TMEM117: variants seen among roughly 807,000 people sequenced by gnomAD.
TMEM117 encodes the protein transmembrane protein 117.
In TMEM117, 27 loss-of-function variants were observed where a neutral mutation model predicts 52.4. That is an observed-to-expected ratio of 0.51 (90% CI 0.38 to 0.71). The LOEUF (loss-of-function observed/expected upper bound fraction) is 0.71. Ranked by LOEUF, TMEM117 falls within the 30% of genes least tolerant of loss-of-function variation. The pLI, the probability that TMEM117 is intolerant of heterozygous loss-of-function variation, is 0.00. For missense variants in TMEM117, 556 were observed against 630.5 expected (o/e 0.88, Z 1.26); for synonymous variants, 215 against 206.3 (o/e 1.04, Z -0.36).
intron 3 of TMEM117, among the ~76,000 whole-genome samples, chr12:44,026,057 C>A (rs1327861778): frequency 6.6e-6 from 1 of 152,142 alleles, no homozygotes; most frequent in Non-Finnish European, 1.5e-5. Context: ...GCACTGGAAA[C>A]CATACTGACT....
intron 5 of TMEM117, among the ~76,000 whole-genome samples, chr12:44,217,263 A>G (rs1353082559): frequency 6.6e-6 from 1 of 152,126 alleles, no homozygotes; most frequent in Non-Finnish European, 1.5e-5. Context: ...AAAGTGAATT[A>G]TTATTTGTTT....
intron 5 of TMEM117, among the ~76,000 whole-genome samples, chr12:44,225,825 A>G (rs1949853372): frequency 6.6e-6 from 1 of 152,124 alleles, no homozygotes; most frequent in Admixed American, 6.6e-5. Context: ...TCCACAGTGG[A>G]TTAAAGTTAC....
intron 4 of TMEM117, among the ~76,000 whole-genome samples, chr12:44,158,238 A>C (rs1391827112): frequency 2.0e-5 from 3 of 152,164 alleles, no homozygotes; most frequent in Admixed American, 6.6e-5. Flanking sequence ...ACAACATTTC[A>C]TTGACTTGTC....
At chr12:44,295,263 G>T (rs1229340530) in intron 5 of TMEM117, among the ~76,000 whole-genome samples, 1 of 152,092 alleles carries the variant, frequency 6.6e-6, no homozygotes, top group Non-Finnish European at 1.5e-5. Flanking sequence ...GAGTTGAGTG[G>T]TGTGATCTTG....
chr12:43,904,480 C>CTGTGGGGAGACAGATGAA (rs2137513125), intron 2 of TMEM117, among the ~76,000 whole-genome samples: 1 of 152,254 alleles, frequency 6.6e-6, no homozygotes, highest in East Asian at 1.9e-4. Flanking sequence ...GACCTTTCAT[C>CTGTGGGGAGACAGATGAA]AGGCCCTTTC....
chr12:43,989,937 C>T (rs962646440), intron 3 of TMEM117, among the ~76,000 whole-genome samples: 1 of 152,054 alleles, frequency 6.6e-6, no homozygotes, highest in South Asian at 2.1e-4. Context: ...ACCTTCCATA[C>T]AATGCCTTTG....
intron 4 of TMEM117, among the ~76,000 whole-genome samples, chr12:44,162,763 T>G (rs1948914695): frequency 6.6e-6 from 1 of 152,180 alleles, no homozygotes; most frequent in Admixed American, 6.5e-5. Context: ...TTGCCTCCAT[T>G]TCATAAAAGT....
intron 3 of TMEM117, among the ~76,000 whole-genome samples, chr12:44,028,446 A>G (rs1262328537): frequency 6.6e-6 from 1 of 152,214 alleles, no homozygotes. Context: ...AAGTCACACG[A>G]TGAGATCAAA....
At chr12:43,945,019 G>A (rs1390168399) in intron 3 of TMEM117, among the ~76,000 whole-genome samples, 1 of 152,030 alleles carries the variant, frequency 6.6e-6, no homozygotes, top group Non-Finnish European at 1.5e-5. Context: ...GCTGAGGCAG[G>A]AGAATTGCTT....
At chr12:43,983,524 A>G (rs74084785) in intron 3 of TMEM117, among the ~76,000 whole-genome samples, 1 of 138,112 alleles carries the variant, frequency 7.2e-6, no homozygotes, top group Non-Finnish European at 1.6e-5. Flanking sequence ...AGTGGCAAAA[A>G]CTGCAATTAC....
chr12:44,098,966 A>G (rs932151550), intron 3 of TMEM117, among the ~76,000 whole-genome samples: 1 of 152,080 alleles, frequency 6.6e-6, no homozygotes, highest in Non-Finnish European at 1.5e-5. Flanking sequence ...GGGCCAGCCC[A>G]TGATCTTATG....
chr12:44,252,918 A>T (rs7137469), intron 5 of TMEM117, among the ~76,000 whole-genome samples: 39,647 of 152,086 alleles, frequency 0.26, 9,177 homozygotes, highest in African/African-American at 0.63. Flanking sequence ...AGTAAAATTT[A>T]ATGGTTGTGG....
the TMEM117 span, among the ~76,000 whole-genome samples, chr12:43,810,776 A>G: frequency 6.6e-6 from 1 of 152,178 alleles, no homozygotes; most frequent in Admixed American, 6.5e-5. Context: ...TTGGGATCCA[A>G]AACAGATTAA....
intron 5 of TMEM117, among the ~76,000 whole-genome samples, chr12:44,247,944 G>T (rs1950150937): frequency 6.6e-6 from 1 of 152,196 alleles, no homozygotes; most frequent in Non-Finnish European, 1.5e-5. Context: ...TGGAGGAAAT[G>T]AGTTCTAGCT....
At chr12:44,030,193 T>C (rs1946610952) in intron 3 of TMEM117, among the ~76,000 whole-genome samples, 1 of 152,244 alleles carries the variant, frequency 6.6e-6, no homozygotes, top group African/African-American at 2.4e-5. Context: ...AATAAAAATA[T>C]CTTCAAAAAT....
the TMEM117 span, chr12:43,805,832 T>C: frequency 2.2e-6 from 3 of 1,389,674 alleles, no homozygotes; most frequent in South Asian, 3.4e-5. Flanking sequence ...AAAACTCGCC[T>C]GGTTCTCGAC....
intron 6 of TMEM117, among the ~76,000 whole-genome samples, chr12:44,304,004 C>A (rs1950874348): frequency 6.6e-6 from 1 of 152,154 alleles, no homozygotes; most frequent in Non-Finnish European, 1.5e-5. Context: ...TGAAAGTTAA[C>A]AATTCATATA....
At chr12:43,802,651 T>A in the TMEM117 span, among the ~76,000 whole-genome samples, 1 of 152,202 alleles carries the variant, frequency 6.6e-6, no homozygotes, top group Admixed American at 6.5e-5. Flanking sequence ...AACTGTTAAC[T>A]TTTTATGAAC....
chr12:44,289,596 A>C (rs1171708518), intron 5 of TMEM117, among the ~76,000 whole-genome samples: 1 of 121,734 alleles, frequency 8.2e-6, no homozygotes, highest in Non-Finnish European at 1.6e-5. Flanking sequence ...TCTGTTACCT[A>C]GGCTGGAGTG....
Sources: allele counts gnomAD v4.1 joint callset (sites outside exome capture counted in the v4.1 genomes callset), GRCh38; gene constraint gnomAD v4.1.1; transcripts MANE v1.5; gene names NCBI Gene and HGNC (gene_info 2026-07-23, HGNC 2026-07-21).